The following SYNE2 variants were observed in gnomAD, a reference collection of about 807,000 sequenced individuals.
SYNE2 encodes the protein nesprin-2.
Under a neutral mutation model 856.3 loss-of-function variants are expected in SYNE2, and 431 were observed. That is an observed-to-expected ratio of 0.50 (90% CI 0.47 to 0.55). The LOEUF (loss-of-function observed/expected upper bound fraction) is 0.55, where lower values mean the gene tolerates loss of function less well. SYNE2 is among the 20% of genes least tolerant of loss of function. The probability of loss-of-function intolerance (pLI) is 0.00; values close to 1 mark genes in which losing one functional copy is unlikely to be tolerated. For missense variants in SYNE2, 8,129 were observed against 8,023.2 expected (o/e 1.01, Z -0.50); for synonymous variants, 2,923 against 2,872.3 (o/e 1.02, Z -0.56).
At chr14:63,983,658 C>T (rs1163064786) in intron 17 of SYNE2, 79 bp from the exon 18 acceptor site, 24 of 1,191,996 alleles carry the variant, frequency 2.0e-5, no homozygotes, top group Admixed American at 3.6e-5. Context: ...GAATATATTA[C>T]ATCCACTTAC....
At chr14:64,138,950 T>G (rs1159451978) in intron 79 of SYNE2, among the ~76,000 whole-genome samples, 2 of 102,112 alleles carry the variant, frequency 2.0e-5, no homozygotes, top group African/African-American at 4.2e-5. Context: ...ATGTATGGTG[T>G]GTGTGTGTGT....
At chr14:63,762,856 A>T (rs1425635887) in intron 1 of SYNE2, among the ~76,000 whole-genome samples, 1 of 152,200 alleles carries the variant, frequency 6.6e-6, no homozygotes, top group African/African-American at 2.4e-5. Flanking sequence ...AAATTTGTAG[A>T]ATGCTAACAA....
intron 84 of SYNE2, 53 bp downstream of exon 84, chr14:64,146,276 A>C: frequency 6.5e-7 from 1 of 1,531,554 alleles, no homozygotes; most frequent in Non-Finnish European, 8.8e-7. Context: ...TGATTCGGTC[A>C]CCTCTCTTGC....
chr14:63,841,625 T>G (rs1451714317), intron 1 of SYNE2, among the ~76,000 whole-genome samples: 1 of 152,186 alleles, frequency 6.6e-6, no homozygotes, highest in African/African-American at 2.4e-5. Flanking sequence ...AACTTGAGAA[T>G]GTTTTTCCAC....
chr14:64,211,333 C>T (rs1157764751), intron 103 of SYNE2, among the ~76,000 whole-genome samples: 2 of 152,224 alleles, frequency 1.3e-5, no homozygotes, highest in African/African-American at 4.8e-5. Context: ...CTTCGTTTGG[C>T]ACTGAAGCTA....
At chr14:63,987,872 A>G (rs1466515890) in intron 19 of SYNE2, among the ~76,000 whole-genome samples, 1 of 152,212 alleles carries the variant, frequency 6.6e-6, no homozygotes, top group African/African-American at 2.4e-5. Context: ...TATTGGATCA[A>G]GATGTATTCT....
Position 64,159,939 on chromosome 14 carries a change from C to T in SYNE2, c.16094+497C>T, listed in dbSNP as rs1436617496. On this transcript the variant is annotated intron_variant, in intron 87 of 115. Coordinates refer to ENST00000555002, the MANE Select transcript of SYNE2 (RefSeq NM_182914.3). ...GAAAGCTCCCTTTAAGGAGTGTGGC[C>T]CTAGTTAATTGCAGGGCTTTTATTT... Among the ~76,000 whole-genome samples, 5 of 152,012 alleles carry T rather than the reference C, an allele frequency of 3.3e-5. No individual in the cohort carries two copies. In the South Asian group the frequency reaches 1.0e-3, roughly 32 times the overall value.
At chr14:64,143,677 C>A (rs991187743) in intron 82 of SYNE2, 95 bp from the exon 83 acceptor site, 262 of 1,326,788 alleles carry the variant, frequency 2.0e-4, no homozygotes, top group Non-Finnish European at 2.0e-4. Context: ...GATTAATGGA[C>A]GGGAGCTTGG....
At chr14:63,773,208 A>G (rs1252189546) in intron 1 of SYNE2, among the ~76,000 whole-genome samples, 2 of 152,008 alleles carry the variant, frequency 1.3e-5, no homozygotes, top group Non-Finnish European at 2.9e-5. Flanking sequence ...TTGCTTAAAA[A>G]AATTTTTTTT....
chr14:63,838,527 T>C lies in SYNE2; in HGVS notation c.-304-13974T>C, dbSNP rs142277977. On this transcript the variant is annotated intron_variant, in intron 1 of 23. Coordinates refer to the SYNE2 transcript ENST00000674003. ...ACATTATTTATGTATTTACTGTTGT[T>C]TTTTTTTAACAGGGTCTTGCTGTGT... Among the ~76,000 whole-genome samples, 10 of 152,068 alleles carry C rather than the reference T, an allele frequency of 6.6e-5. No homozygotes were observed. In the East Asian group the frequency reaches 9.6e-4, roughly 15 times the overall value.
intron 110 of SYNE2, 114 bp downstream of exon 110, chr14:64,219,524 G>A: frequency 1.0e-6 from 1 of 985,910 alleles, no homozygotes; most frequent in South Asian, 1.4e-5. Flanking sequence ...TGCAGATGGT[G>A]TATGTAGAGG....
chr14:64,034,345 C>G, intron 45 of SYNE2: 1 of 385,576 alleles, frequency 2.6e-6, no homozygotes, highest in African/African-American at 2.1e-5. Flanking sequence ...AAATCTAACA[C>G]TAATTAAATT....
At chr14:64,113,259 G>A (rs2153657357) in intron 65 of SYNE2, 82 bp from the exon 66 acceptor site, 1 of 1,607,744 alleles carries the variant, frequency 6.2e-7, no homozygotes, top group South Asian at 1.1e-5. Context: ...TTTAACTGGG[G>A]AAATGTTGCA....
At chr14:64,184,325 TA>T (rs1309275314) in intron 96 of SYNE2, among the ~76,000 whole-genome samples, 7 of 137,886 alleles carry the variant, frequency 5.1e-5, no homozygotes, top group African/African-American at 2.0e-4. Flanking sequence ...ACTGTATGCA[TA>T]GGGGTGTGTG....
chr14:63,957,810 C>CTT (rs533194884), intron 8 of SYNE2, among the ~76,000 whole-genome samples: 1 of 152,080 alleles, frequency 6.6e-6, no homozygotes, highest in African/African-American at 2.4e-5. Flanking sequence ...TGAAGTTACT[C>CTT]TTTTTTTCCC....
intron 1 of SYNE2, among the ~76,000 whole-genome samples, chr14:63,769,979 A>G (rs1886842227): frequency 6.6e-6 from 1 of 151,962 alleles, no homozygotes; most frequent in Non-Finnish European, 1.5e-5. Flanking sequence ...CAGTGGCACA[A>G]TCACAGCTCA....
intron 1 of SYNE2, among the ~76,000 whole-genome samples, chr14:63,893,533 C>T (rs928088877): frequency 6.6e-6 from 1 of 152,176 alleles, no homozygotes; most frequent in African/African-American, 2.4e-5. Context: ...CACTGTACTC[C>T]AGCCTGGGCA....
intron 45 of SYNE2, among the ~76,000 whole-genome samples, chr14:64,042,734 G>A (rs1018782479): frequency 6.7e-6 from 1 of 149,492 alleles, no homozygotes; most frequent in African/African-American, 2.4e-5. Flanking sequence ...CCCCAGCCAC[G>A]TGGAACTGTA....
intron 85 of SYNE2, among the ~76,000 whole-genome samples, chr14:64,153,989 G>A (rs2098266132): frequency 6.6e-6 from 1 of 151,998 alleles, no homozygotes; most frequent in Non-Finnish European, 1.5e-5. Context: ...AAATAATGAA[G>A]TTAGACCTCT....
Sources: gnomAD v4.1 joint callset for allele counts (sites outside exome capture counted in the v4.1 genomes callset) on GRCh38, gnomAD v4.1.1 for gene constraint, MANE v1.5 for transcripts, NCBI Gene and HGNC (gene_info 2026-07-23, HGNC 2026-07-21) for gene names.